The following FBXO21 variants were observed in gnomAD, a reference collection of about 807,000 sequenced individuals.
FBXO21 encodes F-box protein 21.
A neutral mutation model predicts 76.6 loss-of-function variants in FBXO21; 32 were observed. That is an observed-to-expected ratio of 0.42 (90% CI 0.32 to 0.56). The LOEUF (loss-of-function observed/expected upper bound fraction) is 0.56. Among genes scored for constraint, FBXO21 ranks in the 20% least tolerant of loss-of-function variants. The pLI is 0.16. For missense variants in FBXO21, 586 were observed against 797.3 expected (o/e 0.73, Z 3.19); for synonymous variants, 328 against 311.5 (o/e 1.05, Z -0.56).
intron 9 of FBXO21, among the ~76,000 whole-genome samples, chr12:117,162,816 G>A (rs1331251996): frequency 6.6e-6 from 1 of 152,198 alleles, no homozygotes; most frequent in Non-Finnish European, 1.5e-5. Context: ...ATCCGTGCTA[G>A]GCTGACATCT....
chr12:117,184,840 G>A (rs1206241551), intron 3 of FBXO21, among the ~76,000 whole-genome samples: 1 of 152,244 alleles, frequency 6.6e-6, no homozygotes, highest in Non-Finnish European at 1.5e-5. Context: ...ACCCGTTGAA[G>A]AGGATGGATT....
intron 1 of FBXO21, among the ~76,000 whole-genome samples, chr12:117,189,768 G>A (rs1265725359): frequency 6.6e-6 from 1 of 152,134 alleles, no homozygotes; most frequent in Non-Finnish European, 1.5e-5. Flanking sequence ...CTCAAAAAAA[G>A]GGAAGTCGCT....
chr12:117,146,720 ACAGGAGC>A (rs1328173165), intron 11 of FBXO21, among the ~76,000 whole-genome samples: 1 of 151,974 alleles, frequency 6.6e-6, no homozygotes. Context: ...TCCTCTATTC[ACAGGAGC>A]CCCTCATGCA....
intron 11 of FBXO21, among the ~76,000 whole-genome samples, chr12:117,146,752 C>T (rs1042636413): frequency 2.0e-5 from 3 of 152,188 alleles, no homozygotes; most frequent in Admixed American, 1.3e-4. Flanking sequence ...ACACTTTCCA[C>T]CCGAGCTCCT....
intron 2 of FBXO21, chr12:117,188,946 A>G (rs1439997707): frequency 2.8e-6 from 1 of 353,840 alleles, no homozygotes; most frequent in Non-Finnish European, 5.2e-6. Context: ...AATAATGCTG[A>G]TCTGGACTCC....
At chr12:117,166,227 A>ATTTGGG (rs1157222379) in intron 8 of FBXO21, among the ~76,000 whole-genome samples, 2 of 151,316 alleles carry the variant, frequency 1.3e-5, no homozygotes, top group African/African-American at 2.4e-5. Context: ...GAGTAGGCGG[A>ATTTGGG]GCACAGAGGA....
chr12:117,153,743 A>G (rs867584565), intron 11 of FBXO21, among the ~76,000 whole-genome samples: 3 of 152,394 alleles, frequency 2.0e-5, no homozygotes, highest in Middle Eastern at 3.4e-3. Context: ...GGGAACTCTC[A>G]TAGTGTAGGA....
intron 3 of FBXO21, among the ~76,000 whole-genome samples, chr12:117,182,165 C>A (rs192393087): frequency 6.6e-6 from 1 of 152,274 alleles, no homozygotes; most frequent in Non-Finnish European, 1.5e-5. Flanking sequence ...AAACTGGTAT[C>A]CCAAAATATT....
rs1955763072 is a variant in FBXO21 at position 117,145,831 on chromosome 12, G to C, written c.*256C>G. 3 of 327,778 alleles carry C rather than the reference G, an allele frequency of 9.2e-6. No individual in the cohort carries two copies. The Admixed American group carries it at 1.4e-4, about 15-fold the overall frequency. 20.3% of individuals were successfully genotyped at this position (327,778 alleles called of 1,614,324 possible). A position where few individuals can be genotyped will look rare whatever the true frequency, so the allele number is the denominator to read the frequency against. On this transcript the variant is annotated 3_prime_UTR_variant, in exon 12 of 12. Coordinates refer to ENST00000622495, the MANE Select transcript of FBXO21 (RefSeq NM_015002.3). ...CAGAATGTCACAAACTGTCACCACA[G>C]GACAAGCATACAAGCCATGCCACTG...
rs762419260 is a variant in FBXO21 at position 117,190,187 on chromosome 12, G to A, written c.239+31C>T. On this transcript the variant is annotated intron_variant, in intron 1 of 11. Transcript: ENST00000622495. ...CCCCGGGGGGCGCGGGGCGGTGGGC[G>A]CGCAGCCGGGGCGCGGGGCCGCTGG... 46 of 1,209,258 alleles carry A rather than the reference G, an allele frequency of 3.8e-5. No individual in the cohort carries two copies. The African/African-American group carries it at 7.1e-4, about 19-fold the overall frequency. 74.9% of individuals were successfully genotyped at this position (1,209,258 alleles called of 1,614,324 possible). A position where few individuals can be genotyped will look rare whatever the true frequency, so the allele number is the denominator to read the frequency against.
At chr12:117,176,263 T>C (rs986613653) in intron 4 of FBXO21, among the ~76,000 whole-genome samples, 2 of 152,214 alleles carry the variant, frequency 1.3e-5, no homozygotes, top group African/African-American at 4.8e-5. Flanking sequence ...AATCTCCAAG[T>C]AGTCAGTGGA....
Position 117,190,289 on chromosome 12 carries a change from G to A in FBXO21, c.168C>T (p.Ser56=), listed in dbSNP as rs1473621494. The change falls in exon 1 of 12, where the codon TCC becomes TCT. Residue 56 remains serine, a synonymous_variant. Coordinates refer to ENST00000622495, the MANE Select transcript of FBXO21 (RefSeq NM_015002.3). ...GCTCGCGCAGCCGCCGGCAGGTGCT[G>A]GAGACACGGCCGATGTCGGCGGCCG... is the stretch of plus-strand genomic sequence containing the variant. The part of the protein sequence containing the change: ...SLTAADIGRV[S]STCRRLRELC... The A allele has an allele frequency of 1.8e-5, 27 of 1,539,398 alleles. No individual in the cohort carries two copies. Among genetic ancestry groups the A allele is most frequent in the Middle Eastern group, 4.1e-4 (2 of 4,912 alleles).
intron 4 of FBXO21, among the ~76,000 whole-genome samples, chr12:117,176,455 C>G (rs1956174747): frequency 1.3e-5 from 2 of 152,142 alleles, no homozygotes; most frequent in South Asian, 4.1e-4. Flanking sequence ...GAGCAAAGGT[C>G]TGGACCAGAT....
rs1248333124 is a variant in FBXO21 at position 117,143,123 on chromosome 12, G to T, written c.*2964C>A. ...CCTGGCAAAACCGGTCTGATTCTAA[G>T]GTAAACTCATTTTGGACATAACTGA... On this transcript the variant is annotated 3_prime_UTR_variant, in exon 12 of 12. Transcript: ENST00000622495. 6.6e-6 allele frequency: 1 copy of T among 152,172 alleles called. No homozygotes were observed. The highest frequency in any genetic ancestry group is 6.5e-5 in the Admixed American group (1 of 15,282). The allele number at this position is 152,172 out of a possible 1,614,324, so 9.4% of individuals were successfully genotyped here.
intron 3 of FBXO21, among the ~76,000 whole-genome samples, chr12:117,181,196 G>A (rs1447422476): frequency 6.6e-6 from 1 of 152,056 alleles, no homozygotes; most frequent in Non-Finnish European, 1.5e-5. Context: ...AGATCTCTCA[G>A]GAAGGACTGA....
chr12:117,159,610 A>G (rs1350764709), intron 9 of FBXO21, among the ~76,000 whole-genome samples: 1 of 152,218 alleles, frequency 6.6e-6, no homozygotes, highest in Non-Finnish European at 1.5e-5. Flanking sequence ...CTCTACCTCC[A>G]GCCGGGTGCT....
chr12:117,155,590 C>T, intron 11 of FBXO21: 1 of 631,294 alleles, frequency 1.6e-6, no homozygotes. Flanking sequence ...GCGGGTATGA[C>T]TACTGACCCC....
intron 3 of FBXO21, among the ~76,000 whole-genome samples, chr12:117,186,146 G>T (rs759221965): frequency 3.9e-5 from 6 of 152,150 alleles, no homozygotes; most frequent in Non-Finnish European, 8.8e-5. Context: ...CAAAGTGCTG[G>T]GATTACAGGC....
intron 3 of FBXO21, among the ~76,000 whole-genome samples, chr12:117,185,656 G>A (rs1566009783): frequency 6.6e-6 from 1 of 152,158 alleles, no homozygotes; most frequent in Non-Finnish European, 1.5e-5. Context: ...TTTTCTGACT[G>A]GAAGATAAAA....
Sources: allele counts gnomAD v4.1 joint callset (sites outside exome capture counted in the v4.1 genomes callset), GRCh38; gene constraint gnomAD v4.1.1; transcripts MANE v1.5; gene names NCBI Gene and HGNC (gene_info 2026-07-23, HGNC 2026-07-21).